The following TSPEAR variants were observed in gnomAD, a reference collection of about 807,000 sequenced individuals.
TSPEAR encodes the protein thrombospondin-type laminin G domain and EAR repeat-containing protein.
Under a neutral mutation model 71.6 loss-of-function variants are expected in TSPEAR, and 69 were observed. That is an observed-to-expected ratio of 0.96 (90% CI 0.79 to 1.18). The LOEUF is 1.18. Ranked by LOEUF, TSPEAR falls within the 50% of genes most tolerant of loss-of-function variation. The pLI, the probability that TSPEAR is intolerant of heterozygous loss-of-function variation, is 0.00. For missense variants in TSPEAR, 971 were observed against 894.9 expected, an observed-to-expected ratio of 1.09 and a Z score of -1.09; for synonymous variants, 402 against 387.2, an observed-to-expected ratio of 1.04 and a Z score of -0.45.
rs35194355 is a variant in TSPEAR at position 44,710,082 on chromosome 21, C to G, written c.82+1351G>C. ...ATGTCTGTGACTCATGCCCCCCCAC[C>G]CCCACTCCAGGGTGTGCTGAGGAGT... is the stretch of plus-strand genomic sequence containing the variant. On this transcript the variant is annotated intron_variant, in intron 1 of 11. Coordinates refer to ENST00000323084, the MANE Select transcript of TSPEAR (RefSeq NM_144991.3). This position sits in a 1 kb window ranked among gnomAD's most constrained non-coding sequence, Gnocchi z 4.6. Among the ~76,000 whole-genome samples the G allele has an allele frequency of 6.6e-6, 1 of 151,820 alleles. No individual in the cohort carries two copies. The highest frequency in any genetic ancestry group is 1.5e-5 in the Non-Finnish European group (1 of 67,968).
chr21:44,652,486 G>C (rs1268459624), intron 1 of TSPEAR, among the ~76,000 whole-genome samples: 4 of 152,186 alleles, frequency 2.6e-5, no homozygotes, highest in African/African-American at 9.6e-5. Flanking sequence ...CTCCCACTTG[G>C]TTGAGAGTCC....
chr21:44,550,103 T>G (rs2053379333), intron 2 of TSPEAR, among the ~76,000 whole-genome samples: 1 of 152,244 alleles, frequency 6.6e-6, no homozygotes. Context: ...GCGTGGGGCG[T>G]TGGCCTGAGT....
At chr21:44,589,561 G>A (rs1026322874) in intron 1 of TSPEAR, among the ~76,000 whole-genome samples, 25 of 152,180 alleles carry the variant, frequency 1.6e-4, no homozygotes, top group Non-Finnish European at 3.1e-4. Flanking sequence ...TTTGAGGGAC[G>A]GTTTTCCAAG....
intron 1 of TSPEAR, among the ~76,000 whole-genome samples, chr21:44,635,953 G>A (rs1386150823): frequency 2.0e-5 from 3 of 152,224 alleles, no homozygotes; most frequent in East Asian, 1.9e-4. Context: ...AGAAACTTTA[G>A]TTATTAATGA....
intron 6 of TSPEAR, among the ~76,000 whole-genome samples, chr21:44,527,857 T>C (rs1264656610): frequency 6.6e-6 from 1 of 152,152 alleles, no homozygotes; most frequent in Non-Finnish European, 1.5e-5. Flanking sequence ...CCCATGCCCA[T>C]TTCCCACGGG....
At chr21:44,635,148 C>T (rs1555936405) in intron 1 of TSPEAR, among the ~76,000 whole-genome samples, 1 of 151,990 alleles carries the variant, frequency 6.6e-6, no homozygotes, top group African/African-American at 2.4e-5. Flanking sequence ...AGTTCAAGAC[C>T]AGCCTGGCCA....
intron 1 of TSPEAR, among the ~76,000 whole-genome samples, chr21:44,613,903 C>A (rs1430055804): frequency 6.6e-6 from 1 of 152,132 alleles, no homozygotes; most frequent in Non-Finnish European, 1.5e-5. Context: ...CCAGGCCAGG[C>A]CTGGCCAGGT....
chr21:44,595,326 GAATAACCA>G (rs1555927486), intron 1 of TSPEAR, among the ~76,000 whole-genome samples: 1 of 152,080 alleles, frequency 6.6e-6, no homozygotes, highest in Non-Finnish European at 1.5e-5. Flanking sequence ...CACCAGCACC[GAATAACCA>G]AATACTGAAC....
intron 1 of TSPEAR, among the ~76,000 whole-genome samples, chr21:44,641,424 A>G (rs1012842818): frequency 2.6e-5 from 4 of 152,148 alleles, no homozygotes; most frequent in African/African-American, 9.7e-5. Flanking sequence ...TGATACAGTG[A>G]CCCCAGTTCA....
chr21:44,651,119 A>G (rs1332767086), intron 1 of TSPEAR, among the ~76,000 whole-genome samples: 1 of 152,050 alleles, frequency 6.6e-6, no homozygotes, highest in Non-Finnish European at 1.5e-5. Flanking sequence ...AGGCTGGGGG[A>G]GCCACAGGGA....
intron 1 of TSPEAR, among the ~76,000 whole-genome samples, chr21:44,690,884 A>G (rs1280951548): frequency 6.6e-6 from 1 of 152,204 alleles, no homozygotes; most frequent in African/African-American, 2.4e-5. Flanking sequence ...AGTAGCTGGG[A>G]CTACAGGTAT....
At position 44,687,332 on chromosome 21, in the gene TSPEAR, G is replaced by A. The variant is rs1322980503; in HGVS notation, c.82+24101C>T. Among the ~76,000 whole-genome samples the A allele has an allele frequency of 2.6e-5, 4 of 152,102 alleles. No individual in the cohort carries two copies. Among genetic ancestry groups the A allele is most frequent in the Non-Finnish European group, 5.9e-5 (4 of 68,016 alleles). ...CTTCTGGGTGCTGAGGGCTCTGAAA[G>A]GCAGGCACACTTGTCCCACTGTATC... On this transcript the variant is annotated intron_variant, in intron 1 of 11. Coordinates refer to ENST00000323084, the MANE Select transcript of TSPEAR (RefSeq NM_144991.3). The surrounding 1 kb of genome is among the most constrained non-coding windows in gnomAD (Gnocchi z 4.4).
chr21:44,521,020 C>T (rs782282137), intron 9 of TSPEAR, among the ~76,000 whole-genome samples: 4 of 152,208 alleles, frequency 2.6e-5, no homozygotes, highest in Non-Finnish European at 5.9e-5. Flanking sequence ...GTTAGTCTCA[C>T]TGCCTCGGGT....
Position 44,612,391 on chromosome 21 carries a change from A to C in TSPEAR, c.83-44386T>G. On this transcript the variant is annotated intron_variant, in intron 1 of 11. Coordinates refer to ENST00000323084, the MANE Select transcript of TSPEAR (RefSeq NM_144991.3). This position sits in a 1 kb window ranked among gnomAD's most constrained non-coding sequence, Gnocchi z 4.1. ...GCTGCACCGACTCCTGCACACCTTC[A>C]TGCTGCCAGCAGTCTAGCTGCCAGC... The C allele has an allele frequency of 6.2e-7, 1 of 1,613,970 alleles. No individual in the cohort carries two copies. Among genetic ancestry groups the C allele is most frequent in the Non-Finnish European group, 8.5e-7 (1 of 1,180,002 alleles).
At chr21:44,547,872 A>G (rs1316348431) in intron 2 of TSPEAR, among the ~76,000 whole-genome samples, 3 of 152,076 alleles carry the variant, frequency 2.0e-5, no homozygotes, top group African/African-American at 4.8e-5. Context: ...AGAGGTGAGC[A>G]CTGAGAGCTT....
chr21:44,662,154 T>G (rs1985530049), intron 1 of TSPEAR, among the ~76,000 whole-genome samples: 1 of 152,134 alleles, frequency 6.6e-6, no homozygotes, highest in African/African-American at 2.4e-5. Context: ...TAAATTAAAT[T>G]AAATGCAAAT....
chr21:44,610,453 G>A (rs181319323), intron 1 of TSPEAR, among the ~76,000 whole-genome samples: 22 of 152,338 alleles, frequency 1.4e-4, no homozygotes, highest in African/African-American at 5.3e-4. Flanking sequence ...GAGCCTGCAG[G>A]TGCACAGAAG....
At position 44,540,330 on chromosome 21, in the gene TSPEAR, T is replaced by C. The variant is rs1275798592; in HGVS notation, c.304-6407A>G. The stretch of plus-strand genomic sequence containing the variant: ...CGTCCCCTTCCTGGTTGCTGAGAGG[T>C]GGCGTGTGTCATGACTAGGGATGTT... On this transcript the variant is annotated intron_variant, in intron 2 of 11. Transcript: ENST00000323084. The C allele has an allele frequency of 8.7e-6, 9 of 1,033,048 alleles. No homozygotes were observed. The African/African-American group carries it at 1.5e-4, about 17-fold the overall frequency. 64.0% of individuals were successfully genotyped at this position (1,033,048 alleles called of 1,614,324 possible). A position where few individuals can be genotyped will look rare whatever the true frequency, so the allele number is the denominator to read the frequency against.
chr21:44,595,409 C>A (rs459644), intron 1 of TSPEAR, among the ~76,000 whole-genome samples: 1 of 152,062 alleles, frequency 6.6e-6, no homozygotes, highest in African/African-American at 2.4e-5. Context: ...ATTCCCATCA[C>A]CTAATCAATG....
Sources: allele counts gnomAD v4.1 joint callset (sites outside exome capture counted in the v4.1 genomes callset), GRCh38; gene constraint gnomAD v4.1.1; non-coding constraint Gnocchi (gnomAD v3.1); transcripts MANE v1.5; gene names NCBI Gene and HGNC (gene_info 2026-07-23, HGNC 2026-07-21).